SEC63: variants seen among roughly 807,000 people sequenced by gnomAD.
SEC63 encodes the protein translocation protein SEC63 homolog.
A neutral mutation model predicts 116.2 loss-of-function variants in SEC63; 56 were observed. The ratio of observed to expected loss-of-function variants is 0.48; its 90% CI spans 0.39 to 0.60. The LOEUF is 0.60. Ranked by LOEUF, SEC63 falls within the 20% of genes least tolerant of loss-of-function variation. The pLI is 0.00. For synonymous variants in SEC63, 273 were observed against 294.6 expected (o/e 0.93, Z 0.75); for missense variants, 668 against 900.0 (o/e 0.74, Z 3.30).
intron 1 of SEC63, among the ~76,000 whole-genome samples, chr6:107,954,281 G>C (rs1447737413): frequency 3.3e-5 from 5 of 151,640 alleles, no homozygotes; most frequent in African/African-American, 4.8e-5. Context: ...TGCTCGTTAA[G>C]AGTCATCACC....
At chr6:107,898,624 CGT>C (rs1366224510) in intron 13 of SEC63, among the ~76,000 whole-genome samples, 1 of 152,092 alleles carries the variant, frequency 6.6e-6, no homozygotes, top group African/African-American at 2.4e-5. Context: ...GTACTAAATA[CGT>C]GTTTTTGCAA....
chr6:107,939,935 T>C (rs1770338737), intron 1 of SEC63, among the ~76,000 whole-genome samples: 1 of 152,218 alleles, frequency 6.6e-6, no homozygotes. Context: ...ATTATGCTCT[T>C]AACTTGAATC....
At chr6:107,905,352 T>C (rs1787126746) in intron 10 of SEC63, among the ~76,000 whole-genome samples, 1 of 152,214 alleles carries the variant, frequency 6.6e-6, no homozygotes, top group African/African-American at 2.4e-5. Context: ...CATTCCACCA[T>C]AAGCATCCTG....
intron 7 of SEC63, among the ~76,000 whole-genome samples, chr6:107,910,457 AAAAT>A (rs1313527037): frequency 6.6e-5 from 10 of 152,262 alleles, no homozygotes; most frequent in East Asian, 3.9e-4. Context: ...CCTTGTCTCA[AAAAT>A]AAATAAATAA....
intron 8 of SEC63, among the ~76,000 whole-genome samples, chr6:107,908,288 G>A (rs1218492144): frequency 6.6e-6 from 1 of 151,922 alleles, no homozygotes; most frequent in Non-Finnish European, 1.5e-5. Flanking sequence ...ATCTCCCAAG[G>A]ATAAACTGCA....
intron 1 of SEC63, chr6:107,931,915 G>A (rs1277628235): frequency 6.5e-6 from 1 of 152,680 alleles, no homozygotes. Context: ...CACAAAATAA[G>A]ACTTGCCACC....
chr6:107,901,950 G>A (rs554262), intron 12 of SEC63, among the ~76,000 whole-genome samples: 7,205 of 151,942 alleles, frequency 0.047, 584 homozygotes, highest in African/African-American at 0.16. Context: ...CAATAAAGAC[G>A]CACCTTCAAA....
At chr6:107,895,042 T>A (rs1457693241) in intron 14 of SEC63, among the ~76,000 whole-genome samples, 1 of 152,242 alleles carries the variant, frequency 6.6e-6, no homozygotes, top group African/African-American at 2.4e-5. Flanking sequence ...CTAGTCTAAT[T>A]ATATCATAAC....
Position 107,889,215 on chromosome 6 carries a change from G to A in SEC63, c.1674+4267C>T, listed in dbSNP as rs533320455. Among the ~76,000 whole-genome samples the A allele has an allele frequency of 3.9e-5, 6 of 152,194 alleles. No homozygotes were observed. The East Asian group carries it at 9.7e-4, about 25-fold the overall frequency. ...GTAGAATTTGGCCGTGAAACCATCT[G>A]GTCCTGGACTTTTTTTTGGTTGGTA... On this transcript the variant is annotated intron_variant, in intron 16 of 20. Transcript: ENST00000369002.
rs909842817 is a variant in SEC63 at position 107,921,289 on chromosome 6, CTTAAT to C, written c.452+503_452+507del. 1.5e-3 allele frequency among the ~76,000 whole-genome samples: 235 copies of C among 152,160 alleles called. 1 individual carries two copies. The highest frequency in any genetic ancestry group is 5.5e-3 in the African/African-American group (229 of 41,522). Reference sequence around the variant, plus strand: ...AGCTCAATTAACTTATCATTCACCACTTAATTTAATCAAGTTTACATGGCAAAAAT... The same window carrying C: ...AGCTCAATTAACTTATCATTCACCACTTAATCAAGTTTACATGGCAAAAAT... On this transcript the variant is annotated intron_variant, in intron 4 of 20. Coordinates refer to ENST00000369002, the MANE Select transcript of SEC63 (RefSeq NM_007214.5).
Position 107,883,347 on chromosome 6 carries a change from G to C in SEC63, c.1675-201C>G, listed in dbSNP as rs1319813625. The C allele has an allele frequency of 8.5e-6, 5 of 589,448 alleles. No individual in the cohort carries two copies. In the East Asian group the frequency reaches 1.5e-4, roughly 17 times the overall value. The allele number at this position is 589,448 out of a possible 1,614,324, so 36.5% of individuals were successfully genotyped here. On this transcript the variant is annotated intron_variant, in intron 16 of 20. Transcript: ENST00000369002. ...GACTAAAGAGTTTAATATCTGGCTA[G>C]TCTGTCTATTGTTAGTTATTTTATT... is the stretch of plus-strand genomic sequence containing the variant.
chr6:107,919,094 G>C (rs1787485364), intron 4 of SEC63, among the ~76,000 whole-genome samples: 1 of 151,836 alleles, frequency 6.6e-6, no homozygotes, highest in Non-Finnish European at 1.5e-5. Context: ...ATTTTTAGTA[G>C]AGATAGAGTT....
At chr6:107,906,158 C>T (rs1350802494) in intron 10 of SEC63, among the ~76,000 whole-genome samples, 1 of 152,132 alleles carries the variant, frequency 6.6e-6, no homozygotes, top group East Asian at 1.9e-4. Context: ...TGGCATCTCC[C>T]CCATCTCTCT....
chr6:107,916,875 C>A (rs894267661), intron 4 of SEC63, among the ~76,000 whole-genome samples: 4 of 152,192 alleles, frequency 2.6e-5, no homozygotes, highest in Admixed American at 6.6e-5. Context: ...CCTCCCTATT[C>A]CCTGAGACAC....
chr6:107,914,047 C>T (rs1451559687), intron 4 of SEC63, among the ~76,000 whole-genome samples: 1 of 152,102 alleles, frequency 6.6e-6, no homozygotes, highest in African/African-American at 2.4e-5. Flanking sequence ...ACAGCAGCTT[C>T]CTAACCCAGG....
chr6:107,952,618 C>T (rs1315065498), intron 1 of SEC63, among the ~76,000 whole-genome samples: 4 of 151,824 alleles, frequency 2.6e-5, no homozygotes, highest in African/African-American at 9.7e-5. Context: ...ATTAGCCGGG[C>T]GTAGTGGCAG....
At chr6:107,909,403 C>A (rs1787226366) in intron 7 of SEC63, among the ~76,000 whole-genome samples, 1 of 149,156 alleles carries the variant, frequency 6.7e-6, no homozygotes, top group Non-Finnish European at 1.5e-5. Flanking sequence ...CAAAACAAAA[C>A]CCTGATAAAT....
At chr6:107,900,805 T>C (rs1289861588) in intron 13 of SEC63, among the ~76,000 whole-genome samples, 1 of 152,180 alleles carries the variant, frequency 6.6e-6, no homozygotes, top group Non-Finnish European at 1.5e-5. Flanking sequence ...TAGTCTCTAA[T>C]TCTCTCAGTA....
At chr6:107,884,776 T>C (rs1006953346) in intron 16 of SEC63, among the ~76,000 whole-genome samples, 16 of 152,188 alleles carry the variant, frequency 1.1e-4, no homozygotes, top group Middle Eastern at 3.4e-3. Flanking sequence ...CTCTTAAAAA[T>C]AGATGTGAGA....
Sources: gnomAD v4.1 joint callset for allele counts (sites outside exome capture counted in the v4.1 genomes callset) on GRCh38, gnomAD v4.1.1 for gene constraint, MANE v1.5 for transcripts, NCBI Gene and HGNC (gene_info 2026-07-23, HGNC 2026-07-21) for gene names.